The following TEP1 variants were observed in gnomAD, a reference collection of about 807,000 sequenced individuals.
The protein encoded by TEP1 is telomerase associated protein 1.
In TEP1, 241 loss-of-function variants were observed where a neutral mutation model predicts 306.3. The ratio of observed to expected loss-of-function variants is 0.79; its 90% CI spans 0.71 to 0.88. The LOEUF (loss-of-function observed/expected upper bound fraction) is 0.88, where lower values mean the gene tolerates loss of function less well. Among genes scored for constraint, TEP1 ranks in the 40% least tolerant of loss-of-function variants. The probability of loss-of-function intolerance (pLI) is 0.00; values close to 1 mark genes in which losing one functional copy is unlikely to be tolerated. For missense variants in TEP1, 3,051 were observed against 3,276.1 expected, an observed-to-expected ratio of 0.93 and a Z score of 1.68; for synonymous variants, 1,289 against 1,305.5, an observed-to-expected ratio of 0.99 and a Z score of 0.27.
At chr14:20,395,147 G>A (rs1878087324) in intron 12 of TEP1, among the ~76,000 whole-genome samples, 1 of 152,174 alleles carries the variant, frequency 6.6e-6, no homozygotes, top group African/African-American at 2.4e-5. Context: ...AGCAGAAGCA[G>A]AGAGGACACC....
chr14:20,410,913 C>T (rs1879638298), intron 1 of TEP1, among the ~76,000 whole-genome samples: 1 of 150,936 alleles, frequency 6.6e-6, no homozygotes, highest in African/African-American at 2.4e-5. Flanking sequence ...CCTCGACTTC[C>T]CGGGTTCAAG....
intron 40 of TEP1, 41 bp downstream of exon 40, chr14:20,377,559 T>C (rs1280811437): frequency 1.2e-6 from 2 of 1,613,532 alleles, no homozygotes; most frequent in Non-Finnish European, 1.7e-6. Flanking sequence ...GGCTGCGCTC[T>C]TTCTAAAGGC....
rs1270220781 is a variant in TEP1, at chr14:20,383,723, G to A, written c.3710+20C>T. 3.1e-6 allele frequency: 5 copies of A among 1,609,350 alleles called. No individual in the cohort carries two copies. The African/African-American group carries it at 5.3e-5, about 17-fold the overall frequency. ...GGTACGTGGGCATCAACAAGGCTGG[G>A]CTCATTGGGGGATACCCACCGGTAG... On this transcript the variant is annotated intron_variant, in intron 25 of 54. Coordinates refer to ENST00000262715, the MANE Select transcript of TEP1 (RefSeq NM_007110.5).
chr14:20,369,617 T>A, intron 52 of TEP1, 41 bp from the exon 53 acceptor site: 2 of 1,612,772 alleles, frequency 1.2e-6, no homozygotes, highest in South Asian at 2.2e-5. Context: ...GTCTCAGGGA[T>A]CTGCCATCCA....
intron 53 of TEP1, 33 bp downstream of exon 53, chr14:20,369,311 C>A (rs747789335): frequency 7.5e-6 from 12 of 1,610,540 alleles, no homozygotes; most frequent in Non-Finnish European, 1.0e-5. Flanking sequence ...CCCAGCCCTC[C>A]CCTAGTATTT....
At chr14:20,399,662 A>G (rs1878502874) in intron 9 of TEP1, among the ~76,000 whole-genome samples, 1 of 147,436 alleles carries the variant, frequency 6.8e-6, no homozygotes, top group Non-Finnish European at 1.5e-5. Context: ...AAAAAAGTAC[A>G]TATACATATA....
At chr14:20,400,863 T>TCGTTTTC in intron 9 of TEP1, 121 bp downstream of exon 9, 1 of 1,334,194 alleles carries the variant, frequency 7.5e-7, no homozygotes, top group Non-Finnish European at 1.0e-6. Context: ...ATAAATCAAA[T>TCGTTTTC]ACAACAACCA....
rs1266766716 is a variant in TEP1 at position 20,383,918 on chromosome 14, C to G, written c.3535G>C (p.Ala1179Pro). Residue 1179 changes from alanine to proline, a missense_variant and splice_region_variant, in exon 25 of 55, where the codon GCA (alanine) becomes CCA (proline). Physicochemically the swap from Ala to Pro is conservative, Grantham distance 27. Around this residue, in one of 3 missense-constraint regions of TEP1, gnomAD observed 1,507 missense variants for 1,550.5 expected, o/e 0.97. Transcript: ENST00000262715. Reference sequence around the variant, plus strand: ...GCCTGCAGGGCTGACACAAGAGATGCCTGCATGGGACAGGAACAGAAAACA... The same window carrying G: ...GCCTGCAGGGCTGACACAAGAGATGGCTGCATGGGACAGGAACAGAAAACA... ...QSGQGKTAFLASLVSALQAPD... is the reference protein window; with the variant it reads ...QSGQGKTAFLPSLVSALQAPD... 1 of 1,598,552 alleles carries G rather than the reference C, an allele frequency of 6.3e-7. No individual in the cohort carries two copies. The highest frequency in any genetic ancestry group is 1.1e-5 in the South Asian group (1 of 90,390).
Position 20,391,656 on chromosome 14 carries a change from C to T in TEP1, c.2040G>A (p.Leu680=). ...CTGCATTAGCATCTGTCAGATAGAC[C>T]AAGACAGTGCGGCCTGGCAGCAGGG... The part of the protein sequence containing the change: ...SLPLLPGRTV[L]VYLTDANADR... Residue 680 remains leucine (L), a synonymous_variant, in exon 13 of 55, where the codon TTG becomes TTA. Coordinates refer to ENST00000262715, the MANE Select transcript of TEP1 (RefSeq NM_007110.5). 2 of 1,614,160 alleles carry T rather than the reference C, an allele frequency of 1.2e-6. No individual in the cohort carries two copies. The highest frequency in any genetic ancestry group is 1.7e-6 in the Non-Finnish European group (2 of 1,180,028).
chr14:20,410,481 G>GGT (rs2054772256), intron 1 of TEP1, among the ~76,000 whole-genome samples: 1 of 152,044 alleles, frequency 6.6e-6, no homozygotes, highest in East Asian at 1.9e-4. Flanking sequence ...GGAGTGCAAT[G>GGT]GCACGATCTT....
At chr14:20,396,486 C>A in intron 10 of TEP1, 135 bp downstream of exon 10, 1 of 613,114 alleles carries the variant, frequency 1.6e-6, no homozygotes, top group Non-Finnish European at 2.8e-6. Flanking sequence ...GATCTACTTA[C>A]AGCCCACATG....
chr14:20,393,076 G>C (rs921467117), intron 12 of TEP1, among the ~76,000 whole-genome samples: 1 of 152,046 alleles, frequency 6.6e-6, no homozygotes, highest in Admixed American at 6.5e-5. Flanking sequence ...AATTAGCCGG[G>C]CGTGGTGGTG....
Position 20,408,123 on chromosome 14 carries a change from G to A in TEP1, c.317C>T (p.Ser106Phe), listed in dbSNP as rs41310936. 0.019 allele frequency: 30,505 copies of A among 1,612,102 alleles called. 324 individuals are homozygous for A. The highest frequency in any genetic ancestry group is 0.023 in the Non-Finnish European group (27,109 of 1,179,300). The change falls in exon 2 of 55, where the codon TCC becomes TTC. Residue 106 changes from serine (S) to phenylalanine (F), a missense_variant. Ser to Phe is a radical substitution (Grantham distance 155). Transcript: ENST00000262715. ...GHVSAHPDIL[S>F]LENRCLATLS... The stretch of plus-strand genomic sequence containing the variant: ...GGTGGCCAGGCACCGGTTCTCCAAG[G>A]AGAGGATGTCTGGGTGGGCAGAAAC...
At chr14:20,393,216 CAA>C (rs1282506531) in intron 12 of TEP1, among the ~76,000 whole-genome samples, 1 of 114,314 alleles carries the variant, frequency 8.7e-6, no homozygotes, top group Non-Finnish European at 1.8e-5. Flanking sequence ...GACTCGGTCT[CAA>C]AAAAAAAAAG....
At position 20,373,844 on chromosome 14, in the gene TEP1, T is replaced by C. The variant is rs114886085; in HGVS notation, c.6472-34A>G. The C allele has an allele frequency of 9.9e-4, 1,587 of 1,603,992 alleles. 15 individuals carry two copies. In the African/African-American group the frequency reaches 0.018, roughly 19 times the overall value. ...AGAGCACAAGATCAGAGCAGAGTCA[T>C]ATTGAGCAGGACATGGGAAACAGAA... On this transcript the variant is annotated intron_variant, in intron 44 of 54. Transcript: ENST00000262715.
At chr14:20,379,154 C>T in intron 35 of TEP1, 49 bp from the exon 36 acceptor site, 4 of 1,601,470 alleles carry the variant, frequency 2.5e-6, no homozygotes, top group Non-Finnish European at 3.4e-6. Context: ...CCTTGACCCT[C>T]CAAGTCCCAC....
rs756934390 is a variant in TEP1 at position 20,401,116 on chromosome 14, A to G, written c.1417T>C (p.Ser473Pro). 1 of 1,614,052 alleles carries G rather than the reference A, an allele frequency of 6.2e-7. No homozygotes were observed. Among genetic ancestry groups the G allele is most frequent in the African/African-American group, 1.3e-5 (1 of 74,920 alleles). Residue 473 changes from serine to proline, a missense_variant, in exon 9 of 55, where the codon TCT (serine) becomes CCT (proline). Around this residue, in one of 3 missense-constraint regions of TEP1, gnomAD observed 1,507 missense variants for 1,550.5 expected, o/e 0.97. Transcript: ENST00000262715. The stretch of plus-strand genomic sequence containing the variant: ...CAAGGCCCAGGAAGGCGACTTCGAG[A>G]AAAGAGCTGTAGGTTGGAGGGGTAT... ...YRYPSNLQLF[S>P]RSRLPGPWDS...
rs752900860 is a variant in TEP1 at position 20,368,917 on chromosome 14, G to A, written c.7657-15C>T. ...CCCGAGTGAATCTCAAAGAGGAAAG[G>A]GGAGAGCAGAATGGTGAGTTCTCAG... On this transcript the variant is annotated splice_polypyrimidine_tract_variant and intron_variant, in intron 53 of 54. Transcript: ENST00000262715. 10 of 1,604,616 alleles carry A rather than the reference G, an allele frequency of 6.2e-6. No individual in the cohort carries two copies. The East Asian group carries it at 2.2e-4, about 36-fold the overall frequency.
chr14:20,403,947 G>A (rs891882556), intron 5 of TEP1, 63 bp from the exon 6 acceptor site: 25 of 1,605,624 alleles, frequency 1.6e-5, no homozygotes, highest in Non-Finnish European at 1.9e-5. Flanking sequence ...AAAACAAAAC[G>A]AGATCACTTC....
Sources: gnomAD v4.1 joint callset for allele counts (sites outside exome capture counted in the v4.1 genomes callset) on GRCh38, gnomAD v4.1.1 for gene constraint, gnomAD v4.1.1 regional missense constraint, MANE v1.5 for transcripts, NCBI Gene and HGNC (gene_info 2026-07-23, HGNC 2026-07-21) for gene names.